The following SPG11 variants were observed in gnomAD, a reference collection of about 807,000 sequenced individuals.
SPG11 encodes spatacsin.
In SPG11, 222 loss-of-function variants were observed where a neutral mutation model predicts 274.0. The observed-to-expected ratio is 0.81, with a 90% CI of 0.73 to 0.91. The LOEUF is 0.91. SPG11 is among the 40% of genes least tolerant of loss of function. The pLI is 0.00. For synonymous variants in SPG11, 1,144 were observed against 1,039.7 expected, an observed-to-expected ratio of 1.10 and a Z score of -1.93; for missense variants, 3,114 against 2,872.7, an observed-to-expected ratio of 1.08 and a Z score of -1.92.
rs566824586 is a variant in SPG11, at chr15:44,630,577, GTGTTTT to G, written c.1736-1195_1736-1190del. The stretch of plus-strand genomic sequence containing the variant: ...CTGCACTCAAAACAAAATAGAATGT[GTGTTTT>G]TGTTTTTGTTTTTTTGAGACGGCGT... On this transcript the variant is annotated intron_variant, in intron 8 of 39. Coordinates refer to ENST00000261866, the MANE Select transcript of SPG11 (RefSeq NM_025137.4). Among the ~76,000 whole-genome samples the G allele has an allele frequency of 1.7e-4, 26 of 152,246 alleles. No individual in the cohort carries two copies. The South Asian group carries it at 3.1e-3, about 18-fold the overall frequency.
At position 44,648,992 on chromosome 15, in the gene SPG11, A is replaced by T. The variant is rs1271352890; in HGVS notation, c.1476T>A (p.Ile492=). The T allele has an allele frequency of 6.2e-7, 1 of 1,613,544 alleles. No individual in the cohort carries two copies. Among genetic ancestry groups the T allele is most frequent in the Non-Finnish European group, 8.5e-7 (1 of 1,179,458 alleles). The change falls in exon 7 of 40, where the codon ATT becomes ATA. Residue 492 remains isoleucine (I), a synonymous_variant. Coordinates refer to ENST00000261866, the MANE Select transcript of SPG11 (RefSeq NM_025137.4). Reference sequence around the variant, plus strand: ...ACTCTTCTTGAGTCAAACCAAACAAAATCAGAGAGAGTCCATTCTCTATAG... The same window carrying T: ...ACTCTTCTTGAGTCAAACCAAACAATATCAGAGAGAGTCCATTCTCTATAG... ...FVLTENGLSL[I]LFGLTQEEFL...
At chr15:44,625,940 A>G (rs1360359298) in intron 11 of SPG11, among the ~76,000 whole-genome samples, 5 of 152,022 alleles carry the variant, frequency 3.3e-5, no homozygotes, top group African/African-American at 7.2e-5. Flanking sequence ...TCAGCCTCCC[A>G]AAGTGCTGGG....
chr15:44,619,743 GAC>G (rs2083688832), intron 15 of SPG11, among the ~76,000 whole-genome samples: 1 of 139,976 alleles, frequency 7.1e-6, no homozygotes, highest in Non-Finnish European at 1.5e-5. Flanking sequence ...TTTTTTTTGA[GAC>G]AGAGTCTCAC....
rs534851776 is a variant in SPG11, at chr15:44,663,147, G to T, written c.257+244C>A. ...GCCGCAGGTGGCAATGGAGCTGGGT[G>T]CCGTCTCCGCCCACCCGGAACAGGA... On this transcript the variant is annotated intron_variant, in intron 1 of 39. Coordinates refer to ENST00000261866, the MANE Select transcript of SPG11 (RefSeq NM_025137.4). 2.0e-5 allele frequency among the ~76,000 whole-genome samples: 3 copies of T among 152,370 alleles called. No individual in the cohort carries two copies. The South Asian group carries it at 6.2e-4, about 32-fold the overall frequency.
chr15:44,651,317 G>A (rs932062695), intron 6 of SPG11, among the ~76,000 whole-genome samples, 174 bp downstream of exon 6: 24 of 152,070 alleles, frequency 1.6e-4, no homozygotes, highest in African/African-American at 3.1e-4. Context: ...CAGAAATGAC[G>A]TTAATTAAAA....
At chr15:44,609,877 C>T (rs1369029154) in intron 18 of SPG11, among the ~76,000 whole-genome samples, 7 of 149,478 alleles carry the variant, frequency 4.7e-5, no homozygotes, top group Non-Finnish European at 7.4e-5. Flanking sequence ...TACAGGAGCA[C>T]GCCACCATGC....
chr15:44,663,578 G>C lies in SPG11; in HGVS notation c.70C>G (p.Arg24Gly). ...GGCACCAACAGCATCGGTAGAACCC[G>C]CCCCATGGCCGCGGTGCCCCAGCTA... is the stretch of plus-strand genomic sequence containing the variant. ...GGSWGTAAMG[R>G]VLPMLLVPVP... The change falls in exon 1 of 40, where the codon CGG (arginine) becomes GGG (glycine). Residue 24 changes from arginine to glycine, a missense_variant. Coordinates refer to ENST00000261866, the MANE Select transcript of SPG11 (RefSeq NM_025137.4). 1 of 1,596,060 alleles carries C rather than the reference G, an allele frequency of 6.3e-7. No individual in the cohort carries two copies. Among genetic ancestry groups the C allele is most frequent in the Middle Eastern group, 1.7e-4 (1 of 6,034 alleles).
chr15:44,601,540 C>T (rs1388578485), intron 20 of SPG11, among the ~76,000 whole-genome samples: 13 of 150,722 alleles, frequency 8.6e-5, no homozygotes, highest in Non-Finnish European at 1.3e-4. Context: ...GGATTACATG[C>T]GTGCGCCCAG....
intron 1 of SPG11, 39 bp from the exon 2 acceptor site, chr15:44,660,655 G>A (rs757363092): frequency 5.0e-6 from 8 of 1,586,916 alleles, no homozygotes; most frequent in East Asian, 4.5e-5. Flanking sequence ...TTCTATATCC[G>A]CAATAATATT....
rs769221549 is a variant in SPG11, at chr15:44,600,542, T to G, written c.3611A>C (p.His1204Pro). Residue 1204 changes from histidine (H) to proline (P), a missense_variant, in exon 21 of 40, where the codon CAT (histidine) becomes CCT (proline). By Grantham distance (77) the His-to-Pro change is moderately conservative. Transcript: ENST00000261866. ...AAATGCAAATGATGGCCGCCCATTATGTAAATAATAAGCAAAATTCAGACG... is the reference window on the plus strand; with the variant it reads ...AAATGCAAATGATGGCCGCCCATTAGGTAAATAATAAGCAAAATTCAGACG... Reference protein sequence around the residue: ...VERLNFAYYLHNGRPSFAFGT... With the variant: ...VERLNFAYYLPNGRPSFAFGT... 1 of 1,614,094 alleles carries G rather than the reference T, an allele frequency of 6.2e-7. No individual in the cohort carries two copies. The highest frequency in any genetic ancestry group is 1.1e-5 in the South Asian group (1 of 91,088).
rs1489217859 is a variant in SPG11, at chr15:44,622,813, A to G, written c.2245-14T>C. 1 of 1,605,990 alleles carries G rather than the reference A, an allele frequency of 6.2e-7. No individual in the cohort carries two copies. Among genetic ancestry groups the G allele is most frequent in the Non-Finnish European group, 8.5e-7 (1 of 1,172,730 alleles). On this transcript the variant is annotated splice_polypyrimidine_tract_variant and intron_variant, in intron 11 of 39. Coordinates refer to ENST00000261866, the MANE Select transcript of SPG11 (RefSeq NM_025137.4). The stretch of plus-strand genomic sequence containing the variant: ...TACATCAAACCCCTAAAATAAACAT[A>G]GAAAACCAAAAAAAGTTACATTTTG...
intron 7 of SPG11, among the ~76,000 whole-genome samples, chr15:44,641,629 ACAC>A (rs2084445174): frequency 6.6e-6 from 1 of 151,074 alleles, no homozygotes; most frequent in African/African-American, 2.4e-5. Context: ...ACACACACAC[ACAC>A]AAAACCTTAA....
chr15:44,574,891 T>G lies in SPG11; in HGVS notation c.6006+11A>C. 1 of 1,613,592 alleles carries G rather than the reference T, an allele frequency of 6.2e-7. No homozygotes were observed. The highest frequency in any genetic ancestry group is 8.5e-7 in the Non-Finnish European group (1 of 1,179,980). On this transcript the variant is annotated intron_variant, in intron 31 of 39. Transcript: ENST00000261866. ...CTCTCAGAAAGAGGAGCCCCACCCC[T>G]TGGCACATACCTTGGCAAGATCATA...
intron 18 of SPG11, 130 bp from the exon 19 acceptor site, chr15:44,608,735 C>A (rs1033197024): frequency 2.6e-5 from 21 of 819,040 alleles, no homozygotes; most frequent in Non-Finnish European, 3.8e-5. Context: ...TAGCATTAGA[C>A]AAGTAGTCAT....
chr15:44,582,775 C>A (rs574247247), intron 30 of SPG11, among the ~76,000 whole-genome samples: 1 of 151,536 alleles, frequency 6.6e-6, no homozygotes, highest in Non-Finnish European at 1.5e-5. Context: ...AAAAAAACCA[C>A]ATGATCAGAT....
At chr15:44,575,785 G>A (rs2082523122) in intron 30 of SPG11, among the ~76,000 whole-genome samples, 1 of 152,120 alleles carries the variant, frequency 6.6e-6, no homozygotes, top group African/African-American at 2.4e-5. Flanking sequence ...ATGGGCCACT[G>A]CACCCACCTG....
Position 44,585,794 on chromosome 15 carries a change from C to T in SPG11, c.4963G>A (p.Ala1655Thr). The T allele has an allele frequency of 1.2e-6, 2 of 1,613,918 alleles. No individual in the cohort carries two copies. Among genetic ancestry groups the T allele is most frequent in the Middle Eastern group, 1.6e-4 (1 of 6,062 alleles). ...CTGGTAATAATTGTATGATTAATGG[C>T]TATGGATGTATCCTTCAAAATCTGG... is the stretch of plus-strand genomic sequence containing the variant. ...LCQILKDTSI[A>T]INHTIITSYS... The change falls in exon 29 of 40, where the codon GCC (alanine) becomes ACC (threonine). Residue 1655 changes from alanine to threonine, a missense_variant. Ala to Thr is a moderately conservative substitution (Grantham distance 58). Transcript: ENST00000261866.
chr15:44,589,556 CA>C (rs1488484441), intron 27 of SPG11, 142 bp from the exon 28 acceptor site: 8 of 968,396 alleles, frequency 8.3e-6, no homozygotes, highest in Non-Finnish European at 1.3e-5. Context: ...AGTTCCTTTC[CA>C]AATGGCAGGA....
chr15:44,573,532 C>T lies in SPG11; in HGVS notation c.6205+15G>A, dbSNP rs531916143. 17 of 1,614,010 alleles carry T rather than the reference C, an allele frequency of 1.1e-5. No individual in the cohort carries two copies. Among genetic ancestry groups the T allele is most frequent in the East Asian group, 6.7e-5 (3 of 44,866 alleles). ...TGCTGTCAGAGAGGTTGGGAATCCCCGGGGGGTAGGGCACCTGTTCCCTGT... is the reference window on the plus strand; with the variant it reads ...TGCTGTCAGAGAGGTTGGGAATCCCTGGGGGGTAGGGCACCTGTTCCCTGT... On this transcript the variant is annotated intron_variant, in intron 32 of 39. Coordinates refer to ENST00000261866, the MANE Select transcript of SPG11 (RefSeq NM_025137.4).
Sources: gnomAD v4.1 joint callset for allele counts (sites outside exome capture counted in the v4.1 genomes callset) on GRCh38, gnomAD v4.1.1 for gene constraint, MANE v1.5 for transcripts, NCBI Gene and HGNC (gene_info 2026-07-23, HGNC 2026-07-21) for gene names.